Variants in ID4 observed in about 807,000 individuals in gnomAD.
ID4 encodes the protein DNA-binding protein inhibitor ID-4.
In ID4, 9 loss-of-function variants were observed where a neutral mutation model predicts 8.6. The observed-to-expected ratio is 1.04, with a 90% CI of 0.63 to 1.82. The LOEUF (loss-of-function observed/expected upper bound fraction) is 1.82. Ranked by LOEUF, ID4 falls within the 40% of genes most tolerant of loss-of-function variation. The pLI, the probability that ID4 is intolerant of heterozygous loss-of-function variation, is 0.00. For synonymous variants in ID4, 180 were observed against 118.0 expected, an observed-to-expected ratio of 1.53 and a Z score of -3.41; for missense variants, 270 against 235.1, an observed-to-expected ratio of 1.15 and a Z score of -0.97.
In ID4 at chr6:19,839,072, C is replaced by T. The variant is rs182817148; in HGVS notation, c.*15-138C>T. The T allele has an allele frequency of 2.0e-5, 4 of 200,700 alleles. No homozygotes were observed. The East Asian group carries it at 6.4e-4, about 32-fold the overall frequency. The allele number at this position is 200,700 out of a possible 1,614,324, so 12.4% of individuals were successfully genotyped here. On this transcript the variant is annotated intron_variant, in intron 2 of 2. Transcript: ENST00000378700. ...GCAGCTGCCTGCTCGGCGCCTGGCC[C>T]GGCCGCGGGCGGGTGTTGTCTGACC...
chr6:19,839,727 C>T lies in ID4; in HGVS notation c.*532C>T, dbSNP rs939155575. The T allele has an allele frequency of 6.6e-6, 1 of 152,078 alleles. No homozygotes were observed. Among genetic ancestry groups the T allele is most frequent in the African/African-American group, 2.4e-5 (1 of 41,240 alleles). The allele number at this position is 152,078 out of a possible 1,614,324, so 9.4% of individuals were successfully genotyped here. Reference sequence around the variant, plus strand: ...ATAGATAAATGAGTGACATTTCATACCATGTATATATAGAGATGTTCTATA... The same window carrying T: ...ATAGATAAATGAGTGACATTTCATATCATGTATATATAGAGATGTTCTATA... On this transcript the variant is annotated 3_prime_UTR_variant, in exon 3 of 3. Coordinates refer to ENST00000378700, the MANE Select transcript of ID4 (RefSeq NM_001546.4).
chr6:19,838,793 A>C, intron 2 of ID4, 151 bp downstream of exon 2: 1 of 639,170 alleles, frequency 1.6e-6, no homozygotes, highest in Non-Finnish European at 2.7e-6. Flanking sequence ...CTGCCACCTA[A>C]GTAGCAAGTA....
chr6:19,840,806 T>A lies in ID4; in HGVS notation c.*1611T>A, dbSNP rs374423203. ...TAGGACTATCAGGGTTTGTGAACAT[T>A]ATGCATTTAATGTTATGGGTACTTT... On this transcript the variant is annotated 3_prime_UTR_variant, in exon 3 of 3. Coordinates refer to ENST00000378700, the MANE Select transcript of ID4 (RefSeq NM_001546.4). 5 of 152,272 alleles carry A rather than the reference T, an allele frequency of 3.3e-5. No homozygotes were observed. The South Asian group carries it at 8.3e-4, about 25-fold the overall frequency. The allele number at this position is 152,272 out of a possible 1,614,324, so 9.4% of individuals were successfully genotyped here.
chr6:19,839,995 G>T lies in ID4; in HGVS notation c.*800G>T, dbSNP rs1403511995. ...TCGGAAGTAACAGTTATAGCTAGTG[G>T]TCTTGCATGATTGCATGAGATGTTT... is the stretch of plus-strand genomic sequence containing the variant. On this transcript the variant is annotated 3_prime_UTR_variant, in exon 3 of 3. Coordinates refer to ENST00000378700, the MANE Select transcript of ID4 (RefSeq NM_001546.4). 6.6e-6 allele frequency: 1 copy of T among 152,374 alleles called. No homozygotes were observed. The highest frequency in any genetic ancestry group is 1.5e-5 in the Non-Finnish European group (1 of 68,008). The allele number at this position is 152,374 out of a possible 1,614,324, so 9.4% of individuals were successfully genotyped here. A position where few individuals can be genotyped will look rare whatever the true frequency, so the allele number is the denominator to read the frequency against.
In ID4 at chr6:19,838,650, C is replaced by G. The variant is rs750749363; in HGVS notation, c.*14+8C>G. ...CTGAGCCGCGCTGTCCAGGTGAGCGCGCATTTCCCGTCTCGGGTGGCCGGT... is the reference window on the plus strand; with the variant it reads ...CTGAGCCGCGCTGTCCAGGTGAGCGGGCATTTCCCGTCTCGGGTGGCCGGT... On this transcript the variant is annotated splice_region_variant and intron_variant, in intron 2 of 2. Coordinates refer to ENST00000378700, the MANE Select transcript of ID4 (RefSeq NM_001546.4). 2 of 1,612,736 alleles carry G rather than the reference C, an allele frequency of 1.2e-6. No individual in the cohort carries two copies. Among genetic ancestry groups the G allele is most frequent in the Admixed American group, 3.3e-5 (2 of 59,946 alleles).
At position 19,838,629 on chromosome 6, in the gene ID4, G is replaced by C. The variant is rs1561853602; in HGVS notation, c.*1G>C. On this transcript the variant is annotated 3_prime_UTR_variant, in exon 2 of 3. Transcript: ENST00000378700. ...GGGCGACAGCATTCTGTGCCGCTGA[G>C]CCGCGCTGTCCAGGTGAGCGCGCAT... The C allele has an allele frequency of 6.2e-7, 1 of 1,613,918 alleles. No homozygotes were observed. The highest frequency in any genetic ancestry group is 8.5e-7 in the Non-Finnish European group (1 of 1,179,878).
chr6:19,838,222 C>G, intron 1 of ID4, 27 bp downstream of exon 1: 4 of 1,330,622 alleles, frequency 3.0e-6, no homozygotes, highest in Middle Eastern at 2.6e-4. Context: ...CGGCCGTGGG[C>G]GGACGCCGCG....
chr6:19,840,155 T>G lies in ID4; in HGVS notation c.*960T>G, dbSNP rs530363647. On this transcript the variant is annotated 3_prime_UTR_variant, in exon 3 of 3. Transcript: ENST00000378700. Reference sequence around the variant, plus strand: ...AAGTACAGGGTTTTATAGTGTAATATATACAGAGTAAGTGTTTGTTTTTGT... The same window carrying G: ...AAGTACAGGGTTTTATAGTGTAATAGATACAGAGTAAGTGTTTGTTTTTGT... 1 of 152,732 alleles carries G rather than the reference T, an allele frequency of 6.5e-6. No individual in the cohort carries two copies. Among genetic ancestry groups the G allele is most frequent in the Admixed American group, 6.5e-5 (1 of 15,300 alleles). The allele number at this position is 152,732 out of a possible 1,614,324, so 9.5% of individuals were successfully genotyped here. A position where few individuals can be genotyped will look rare whatever the true frequency, so the allele number is the denominator to read the frequency against.
Position 19,838,097 on chromosome 6 carries a change from C to A in ID4, c.343C>A (p.Leu115Met). The change falls in exon 1 of 3, where the codon CTG becomes ATG. Residue 115 changes from leucine to methionine, a missense_variant. Physicochemically the swap from Leu to Met is conservative, Grantham distance 15. Transcript: ENST00000378700. Reference protein sequence around the residue: ...QLALETHPALLRQPPPPAPPH... With the variant: ...QLALETHPALMRQPPPPAPPH... ...GGCGCTGGAGACGCACCCGGCCCTG[C>A]TGAGGCAGCCACCACCGCCCGCGCC... 6.2e-7 allele frequency: 1 copy of A among 1,600,336 alleles called. No individual in the cohort carries two copies. Among genetic ancestry groups the A allele is most frequent in the South Asian group, 1.1e-5 (1 of 89,450 alleles).
Position 19,837,932 on chromosome 6 carries a change from CCG to C in ID4, c.179_180del (p.Pro60ArgfsTer13), listed in dbSNP as rs1457482342. The C allele has an allele frequency of 1.4e-6, 2 of 1,475,394 alleles. No homozygotes were observed. Among genetic ancestry groups the C allele is most frequent in the Non-Finnish European group, 1.8e-6 (2 of 1,108,362 alleles). 91.4% of individuals were successfully genotyped at this position (1,475,394 alleles called of 1,614,324 possible). The stretch of plus-strand genomic sequence containing the variant: ...GGCGGCCGAGGCGGCGGCCGACGAG[CCG>C]GCGCTGTGCCTGCAGTGCGATATGA... Reference protein sequence around the residue: ...CKAAEAAADEPALCLQCDMND... With the variant: ...CKAAEAAADEXALCLQCDMND... On this transcript the variant is annotated frameshift_variant, in exon 1 of 3. Coordinates refer to ENST00000378700, the MANE Select transcript of ID4 (RefSeq NM_001546.4). LOFTEE classifies it high-confidence loss of function.
Position 19,837,511 on chromosome 6 carries a change from C to G in ID4, c.-244C>G, listed in dbSNP as rs1761241289. 5.7e-6 allele frequency: 1 copy of G among 176,596 alleles called. No homozygotes were observed. Among genetic ancestry groups the G allele is most frequent in the African/African-American group, 2.6e-5 (1 of 38,442 alleles). 10.9% of individuals were successfully genotyped at this position (176,596 alleles called of 1,614,324 possible). On this transcript the variant is annotated 5_prime_UTR_variant, in exon 1 of 3. Coordinates refer to ENST00000378700, the MANE Select transcript of ID4 (RefSeq NM_001546.4). The stretch of plus-strand genomic sequence containing the variant: ...GACACCCGGGTGGGCTACTTTTCTT[C>G]CGGTGCTTTTGCTTTTTTTTTCCTT...
intron 2 of ID4, chr6:19,838,878 T>G (rs1325782589): frequency 3.6e-6 from 2 of 560,190 alleles, no homozygotes; most frequent in Non-Finnish European, 6.3e-6. Flanking sequence ...GCCGTCCCCG[T>G]GTTTTTTCTG....
Position 19,837,796 on chromosome 6 carries a change from G to A in ID4, c.42G>A (p.Ala14=), listed in dbSNP as rs1251808917. Residue 14 remains alanine, a synonymous_variant, in exon 1 of 3, where the codon GCG becomes GCA. Coordinates refer to ENST00000378700, the MANE Select transcript of ID4 (RefSeq NM_001546.4). ...VSPVRPSGRK[A]PSGCGGGELA... ...CGGTGCGCCCCTCGGGCCGCAAGGC[G>A]CCGTCGGGCTGCGGCGGCGGGGAGC... The A allele has an allele frequency of 6.2e-6, 7 of 1,129,644 alleles. No homozygotes were observed. In the African/African-American group the frequency reaches 1.0e-4, roughly 16 times the overall value. The allele number at this position is 1,129,644 out of a possible 1,614,324, so 70.0% of individuals were successfully genotyped here. A position where few individuals can be genotyped will look rare whatever the true frequency, so the allele number is the denominator to read the frequency against.
At position 19,838,083 on chromosome 6, in the gene ID4, C is replaced by T. The variant is rs149534584; in HGVS notation, c.329C>T (p.Thr110Met). ...YILDLQLALE[T>M]HPALLRQPPP... is the part of the protein sequence containing the mutation. The stretch of plus-strand genomic sequence containing the variant: ...CTGGACCTGCAGCTGGCGCTGGAGA[C>T]GCACCCGGCCCTGCTGAGGCAGCCA... The change falls in exon 1 of 3, where the codon ACG becomes ATG. Residue 110 changes from threonine (T) to methionine (M), a missense_variant. Thr to Met is a moderately conservative substitution (Grantham distance 81, BLOSUM62 -1). Transcript: ENST00000378700. 37 of 1,605,012 alleles carry T rather than the reference C, an allele frequency of 2.3e-5. No homozygotes were observed. Among genetic ancestry groups the T allele is most frequent in the Middle Eastern group, 1.7e-4 (1 of 6,028 alleles).
rs753518135 is a variant in ID4, at chr6:19,837,937, G to A, written c.183G>A (p.Ala61=). The A allele has an allele frequency of 3.4e-6, 5 of 1,491,668 alleles. No individual in the cohort carries two copies. The South Asian group carries it at 5.2e-5, about 15-fold the overall frequency. 92.4% of individuals were successfully genotyped at this position (1,491,668 alleles called of 1,614,324 possible). ...KAAEAAADEP[A]LCLQCDMNDC... ...CCGAGGCGGCGGCCGACGAGCCGGC[G>A]CTGTGCCTGCAGTGCGATATGAACG... Residue 61 remains alanine, a synonymous_variant, in exon 1 of 3, where the codon GCG becomes GCA. Coordinates refer to ENST00000378700, the MANE Select transcript of ID4 (RefSeq NM_001546.4).
At chr6:19,838,669 G>A (rs1038880326) in intron 2 of ID4, 27 bp downstream of exon 2, 2 of 1,606,528 alleles carry the variant, frequency 1.2e-6, no homozygotes, top group Non-Finnish European at 8.5e-7. Flanking sequence ...CGTCTCGGGT[G>A]GCCGGTCACC....
rs1355612434 is a variant in ID4, at chr6:19,837,980, C to T, written c.226C>T (p.Arg76Trp). The T allele has an allele frequency of 1.3e-6, 2 of 1,590,614 alleles. No homozygotes were observed. The highest frequency in any genetic ancestry group is 8.6e-7 in the Non-Finnish European group (1 of 1,168,972). The change falls in exon 1 of 3, where the codon CGG becomes TGG. Residue 76 changes from arginine to tryptophan, a missense_variant. Physicochemically the swap from Arg to Trp is moderately radical, Grantham distance 101. Transcript: ENST00000378700. The stretch of plus-strand genomic sequence containing the variant: ...TATGAACGACTGCTATAGCCGCCTG[C>T]GGAGGCTGGTGCCCACCATCCCGCC... ...CDMNDCYSRL[R>W]RLVPTIPPNK...
Position 19,839,929 on chromosome 6 carries a change from G to A in ID4, c.*734G>A, listed in dbSNP as rs1419085911. 6.6e-6 allele frequency: 1 copy of A among 151,594 alleles called. No homozygotes were observed. Among genetic ancestry groups the A allele is most frequent in the South Asian group, 2.1e-4 (1 of 4,800 alleles). The allele number at this position is 151,594 out of a possible 1,614,324, so 9.4% of individuals were successfully genotyped here. A position where few individuals can be genotyped will look rare whatever the true frequency, so the allele number is the denominator to read the frequency against. On this transcript the variant is annotated 3_prime_UTR_variant, in exon 3 of 3. Coordinates refer to ENST00000378700, the MANE Select transcript of ID4 (RefSeq NM_001546.4). Reference sequence around the variant, plus strand: ...GATATCTTGAATGTCTTTTCTGTTTGGCCTGGCTCTTAATTTGCTTTTGTT... The same window carrying A: ...GATATCTTGAATGTCTTTTCTGTTTAGCCTGGCTCTTAATTTGCTTTTGTT...
In ID4 at chr6:19,841,119, C is replaced by A. The variant is rs1257215007; in HGVS notation, c.*1924C>A. Among the ~76,000 whole-genome samples the A allele has an allele frequency of 1.3e-5, 2 of 152,136 alleles. No homozygotes were observed. The highest frequency in any genetic ancestry group is 2.4e-5 in the African/African-American group (1 of 41,442). ...CTAATGCTAGCAGGTTAAAATCAAT[C>A]AAAATGTTTAAAAATTGATTCTGTC... On this transcript the variant is annotated 3_prime_UTR_variant, in exon 3 of 3. Coordinates refer to ENST00000378700, the MANE Select transcript of ID4 (RefSeq NM_001546.4).
Sources: gnomAD v4.1 joint callset for allele counts (sites outside exome capture counted in the v4.1 genomes callset) on GRCh38, gnomAD v4.1.1 for gene constraint, MANE v1.5 for transcripts, NCBI Gene and HGNC (gene_info 2026-07-23, HGNC 2026-07-21) for gene names.